PCCA: variants seen among roughly 807,000 people sequenced by gnomAD.
PCCA encodes propionyl-CoA carboxylase subunit alpha.
In PCCA, 74 loss-of-function variants were observed where a neutral mutation model predicts 101.3. The observed-to-expected ratio is 0.73, with a 90% confidence interval of 0.61 to 0.89. The LOEUF is 0.89. Ranked by LOEUF, PCCA falls within the 40% of genes least tolerant of loss-of-function variation. PCCA has a pLI of 0.00. For synonymous variants in PCCA, 294 were observed against 313.6 expected, an observed-to-expected ratio of 0.94 and a Z score of 0.66; for missense variants, 891 against 907.0, an observed-to-expected ratio of 0.98 and a Z score of 0.23.
intron 12 of PCCA, among the ~76,000 whole-genome samples, chr13:100,299,944 C>T (rs765521444): frequency 1.1e-4 from 17 of 152,190 alleles, no homozygotes; most frequent in Non-Finnish European, 1.9e-4. Flanking sequence ...AAACTCCTGA[C>T]CTGAAGTGAT....
intron 21 of PCCA, chr13:100,466,218 G>A (rs1335221444): frequency 6.6e-6 from 1 of 152,242 alleles, no homozygotes; most frequent in Non-Finnish European, 1.5e-5. Context: ...ACATATTAGA[G>A]TGTGATAAGC....
chr13:100,521,385 C>T (rs1257960770), intron 22 of PCCA, among the ~76,000 whole-genome samples: 1 of 152,146 alleles, frequency 6.6e-6, no homozygotes, highest in Admixed American at 6.5e-5. Context: ...TGAGGCCGCT[C>T]GTGCATGGGC....
intron 20 of PCCA, among the ~76,000 whole-genome samples, chr13:100,426,257 A>G (rs903435039): frequency 3.3e-5 from 5 of 152,026 alleles, no homozygotes; most frequent in African/African-American, 7.2e-5. Flanking sequence ...TCGATAGAAC[A>G]TTTTTTGTAA....
At chr13:100,290,217 C>T (rs1486411731) in intron 12 of PCCA, among the ~76,000 whole-genome samples, 2 of 150,906 alleles carry the variant, frequency 1.3e-5, no homozygotes, top group Non-Finnish European at 3.0e-5. Context: ...CTCTCTCTCT[C>T]TTTTTTTTTC....
intron 20 of PCCA, among the ~76,000 whole-genome samples, chr13:100,426,048 A>T (rs1350621806): frequency 6.6e-6 from 1 of 152,072 alleles, no homozygotes; most frequent in Non-Finnish European, 1.5e-5. Context: ...TTAGTTGTAA[A>T]ATACAACTTA....
chr13:100,197,572 T>C (rs2152458252), intron 6 of PCCA, among the ~76,000 whole-genome samples: 1 of 152,240 alleles, frequency 6.6e-6, no homozygotes. Context: ...AGCTCCTGAG[T>C]TGCTAGGATT....
At chr13:100,498,140 T>A (rs1357639762) in intron 21 of PCCA, among the ~76,000 whole-genome samples, 2 of 151,748 alleles carry the variant, frequency 1.3e-5, no homozygotes, top group African/African-American at 4.8e-5. Flanking sequence ...AGTGCTGAGA[T>A]TACAGGCGTG....
chr13:100,125,941 G>T (rs1489703349), intron 4 of PCCA, among the ~76,000 whole-genome samples: 2 of 152,184 alleles, frequency 1.3e-5, no homozygotes, highest in Non-Finnish European at 2.9e-5. Flanking sequence ...ATTAGCAATG[G>T]CTCGTCTGGG....
chr13:100,473,236 G>T (rs116404483), intron 21 of PCCA: 1 of 152,334 alleles, frequency 6.6e-6, no homozygotes, highest in African/African-American at 2.4e-5. Flanking sequence ...GGCCACCGCC[G>T]TGCCTTCCCT....
intron 19 of PCCA, among the ~76,000 whole-genome samples, chr13:100,395,153 A>AT (rs2076985257): frequency 6.6e-6 from 1 of 152,244 alleles, no homozygotes; most frequent in African/African-American, 2.4e-5. Context: ...GAAAGACAAA[A>AT]TTAATTTAGA....
chr13:100,390,968 T>C (rs1239658114), intron 19 of PCCA, among the ~76,000 whole-genome samples: 2 of 152,190 alleles, frequency 1.3e-5, no homozygotes, highest in South Asian at 2.1e-4. Context: ...AGAAGGGAAT[T>C]TTTGATGATT....
At chr13:100,291,770 A>G (rs761854313) in intron 12 of PCCA, among the ~76,000 whole-genome samples, 2 of 152,156 alleles carry the variant, frequency 1.3e-5, no homozygotes, top group African/African-American at 2.4e-5. Flanking sequence ...ATTTTTATTG[A>G]CTACTTGGAT....
chr13:100,347,683 T>C (rs930645443), intron 18 of PCCA, among the ~76,000 whole-genome samples: 2 of 152,210 alleles, frequency 1.3e-5, no homozygotes, highest in African/African-American at 4.8e-5. Flanking sequence ...TTAAAAAATT[T>C]AAGTATCTTA....
At chr13:100,455,185 G>A (rs1359206527) in intron 21 of PCCA, among the ~76,000 whole-genome samples, 1 of 152,180 alleles carries the variant, frequency 6.6e-6, no homozygotes, top group Non-Finnish European at 1.5e-5. Context: ...GGAATAAAAT[G>A]TTGGAAAGAG....
intron 4 of PCCA, among the ~76,000 whole-genome samples, chr13:100,141,859 G>T (rs1566564092): frequency 6.6e-6 from 1 of 152,202 alleles, no homozygotes; most frequent in Admixed American, 6.5e-5. Flanking sequence ...TCAGGGAAAA[G>T]AAAGGAAGTG....
intron 7 of PCCA, among the ~76,000 whole-genome samples, chr13:100,235,627 C>T (rs1277687729): frequency 6.6e-6 from 1 of 152,190 alleles, no homozygotes; most frequent in African/African-American, 2.4e-5. Flanking sequence ...CTCATTTCAA[C>T]TGCTTTGAGT....
intron 16 of PCCA, 128 bp from the exon 17 acceptor site, chr13:100,330,432 CA>C (rs562970124): frequency 1.2e-3 from 789 of 660,486 alleles, no homozygotes; most frequent in Middle Eastern, 3.1e-3. Flanking sequence ...TAATAGAATT[CA>C]AGGAAATAAG....
intron 16 of PCCA, among the ~76,000 whole-genome samples, chr13:100,321,665 T>A (rs749305490): frequency 6.6e-6 from 1 of 151,366 alleles, no homozygotes; most frequent in Non-Finnish European, 1.5e-5. Flanking sequence ...TATATATATA[T>A]GTATATAGTG....
intron 6 of PCCA, among the ~76,000 whole-genome samples, chr13:100,177,022 A>G (rs2056303765): frequency 6.6e-6 from 1 of 152,190 alleles, no homozygotes; most frequent in Non-Finnish European, 1.5e-5. Flanking sequence ...AGTGACTTTG[A>G]GTGTTTAACT....
Sources: allele counts gnomAD v4.1 joint callset (sites outside exome capture counted in the v4.1 genomes callset), GRCh38; gene constraint gnomAD v4.1.1; transcripts MANE v1.5; gene names NCBI Gene and HGNC (gene_info 2026-07-23, HGNC 2026-07-21).